The following SLC9C1 variants were observed in gnomAD, a reference collection of about 807,000 sequenced individuals.
The protein encoded by SLC9C1 is sodium/hydrogen exchanger 10.
A neutral mutation model predicts 140.9 loss-of-function variants in SLC9C1; 97 were observed. The observed-to-expected ratio is 0.69, with a 90% CI of 0.58 to 0.82. The LOEUF (loss-of-function observed/expected upper bound fraction) is 0.82. SLC9C1 is among the 40% of genes least tolerant of loss of function. The pLI is 0.00. For missense variants in SLC9C1, 1,340 were observed against 1,389.3 expected (o/e 0.96, Z 0.56); for synonymous variants, 440 against 442.6 (o/e 0.99, Z 0.07).
At chr3:112,144,651 G>T (rs1370561911) in intron 28 of SLC9C1, among the ~76,000 whole-genome samples, 1 of 152,066 alleles carries the variant, frequency 6.6e-6, no homozygotes, top group African/African-American at 2.4e-5. Context: ...TCTCCTTATA[G>T]AAATCTTTTA....
intron 11 of SLC9C1, among the ~76,000 whole-genome samples, chr3:112,242,330 A>G (rs1334846099): frequency 1.3e-5 from 2 of 152,212 alleles, no homozygotes; most frequent in African/African-American, 4.8e-5. Flanking sequence ...CATATACACA[A>G]TGGCATACCA....
At chr3:112,292,682 T>C (rs969519251) in intron 1 of SLC9C1, among the ~76,000 whole-genome samples, 6 of 152,182 alleles carry the variant, frequency 3.9e-5, no homozygotes, top group South Asian at 4.2e-4. Context: ...TAGCTGGGAC[T>C]ACAGGCGCCA....
At chr3:112,263,279 C>T (rs1419150182) in intron 9 of SLC9C1, among the ~76,000 whole-genome samples, 181 bp from the exon 10 acceptor site, 1 of 151,794 alleles carries the variant, frequency 6.6e-6, no homozygotes, top group African/African-American at 2.4e-5. Context: ...AGAGACATGC[C>T]AAGAGAATGG....
At chr3:112,217,677 T>G in intron 14 of SLC9C1, 116 bp from the exon 15 acceptor site, 1 of 878,060 alleles carries the variant, frequency 1.1e-6, no homozygotes, top group Non-Finnish European at 1.6e-6. Context: ...AGGAAGACTA[T>G]TTTGTGCCAT....
rs141566205 is a variant in SLC9C1 at position 112,144,416 on chromosome 3, G to A, written c.3525-3135C>T. Among the ~76,000 whole-genome samples the A allele has an allele frequency of 6.5e-4, 99 of 151,756 alleles. 1 individual carries two copies. Among genetic ancestry groups the A allele is most frequent in the African/African-American group, 2.4e-3 (98 of 41,376 alleles). ...CTGGTCCCAAACTCCTGACCTTGGCGTCCTAAAGTGCTGGAATTACAGGTG... is the reference window on the plus strand; with the variant it reads ...CTGGTCCCAAACTCCTGACCTTGGCATCCTAAAGTGCTGGAATTACAGGTG... On this transcript the variant is annotated intron_variant, in intron 28 of 28. Coordinates refer to ENST00000305815, the MANE Select transcript of SLC9C1 (RefSeq NM_183061.3).
chr3:112,204,710 C>T (rs758397229), intron 16 of SLC9C1, among the ~76,000 whole-genome samples: 10 of 152,060 alleles, frequency 6.6e-5, no homozygotes, highest in East Asian at 3.9e-4. Context: ...AAATGTAGTA[C>T]GCCAGGGTGT....
intron 10 of SLC9C1, among the ~76,000 whole-genome samples, chr3:112,246,309 C>CCT (rs1183746667): frequency 1.3e-5 from 2 of 152,062 alleles, no homozygotes; most frequent in African/African-American, 4.8e-5. Context: ...GCAACTGGCA[C>CCT]CTTCACCTGC....
intron 11 of SLC9C1, among the ~76,000 whole-genome samples, chr3:112,240,993 TGGG>T (rs2079124498): frequency 7.6e-6 from 1 of 131,936 alleles, no homozygotes; most frequent in African/African-American, 2.8e-5. Flanking sequence ...GGTGGGGGGA[TGGG>T]GGCAGGTGGG....
rs957389506 is a variant in SLC9C1, at chr3:112,141,189, C to G, written c.*83G>C. 17 of 1,386,064 alleles carry G rather than the reference C, an allele frequency of 1.2e-5. No individual in the cohort carries two copies. Among genetic ancestry groups the G allele is most frequent in the Non-Finnish European group, 1.5e-5 (16 of 1,044,718 alleles). The allele number at this position is 1,386,064 out of a possible 1,614,324, so 85.9% of individuals were successfully genotyped here. A position where few individuals can be genotyped will look rare whatever the true frequency, so the allele number is the denominator to read the frequency against. ...AGGATCCAACCTGAAGTTACTCCTTCTTGATGTAGGGAAGTGTGTTTCTGC... is the reference window on the plus strand; with the variant it reads ...AGGATCCAACCTGAAGTTACTCCTTGTTGATGTAGGGAAGTGTGTTTCTGC... On this transcript the variant is annotated 3_prime_UTR_variant, in exon 29 of 29. Transcript: ENST00000305815.
chr3:112,185,739 C>T lies in SLC9C1; in HGVS notation c.2524-3481G>A, dbSNP rs933175216. 8.6e-5 allele frequency: 133 copies of T among 1,538,686 alleles called. No homozygotes were observed. The African/African-American group carries it at 1.5e-3, about 18-fold the overall frequency. On this transcript the variant is annotated intron_variant, in intron 20 of 28. Transcript: ENST00000305815. ...GGACACGGCGGCCTTGCTGAGCCCC[C>T]GGCCTGCCGGGCTGTCCTTCAGGGA...
chr3:112,143,288 CTGTTT>C (rs1559996215), intron 28 of SLC9C1, among the ~76,000 whole-genome samples: 1 of 152,028 alleles, frequency 6.6e-6, no homozygotes, highest in Non-Finnish European at 1.5e-5. Context: ...AATGGTAGTT[CTGTTT>C]TAAGTTCTTT....
intron 26 of SLC9C1, among the ~76,000 whole-genome samples, chr3:112,165,301 T>C (rs1333346131): frequency 6.6e-6 from 1 of 152,238 alleles, no homozygotes; most frequent in Non-Finnish European, 1.5e-5. Flanking sequence ...CCAGCTTTGT[T>C]CCATTGCTGG....
chr3:112,289,116 C>A (rs984740685), intron 1 of SLC9C1, among the ~76,000 whole-genome samples: 13 of 152,108 alleles, frequency 8.5e-5, no homozygotes, highest in African/African-American at 3.1e-4. Flanking sequence ...GTCTCAAAGC[C>A]AGCTTCTTTT....
chr3:112,275,169 G>T (rs1282250084), intron 5 of SLC9C1, 144 bp from the exon 6 acceptor site: 23 of 813,268 alleles, frequency 2.8e-5, no homozygotes, highest in African/African-American at 5.4e-5. Flanking sequence ...AATCATAATT[G>T]GCACTAAATT....
chr3:112,173,547 C>G (rs757654700), intron 23 of SLC9C1, among the ~76,000 whole-genome samples: 2 of 152,124 alleles, frequency 1.3e-5, no homozygotes, highest in African/African-American at 2.4e-5. Context: ...CTTTTCTGTT[C>G]CTGTGTTAGT....
chr3:112,285,429 C>T (rs539332453), intron 2 of SLC9C1, among the ~76,000 whole-genome samples: 66 of 152,208 alleles, frequency 4.3e-4, no homozygotes, highest in Admixed American at 6.5e-4. Context: ...TTAGTAGAGA[C>T]GGGACTTTGC....
intron 6 of SLC9C1, among the ~76,000 whole-genome samples, chr3:112,271,965 T>A (rs2080090479): frequency 6.6e-6 from 1 of 152,178 alleles, no homozygotes; most frequent in African/African-American, 2.4e-5. Context: ...CACCAAAAGA[T>A]ATTTGCTTCT....
chr3:112,286,671 A>C (rs778509956), intron 2 of SLC9C1, 33 bp downstream of exon 2: 1 of 1,540,106 alleles, frequency 6.5e-7, no homozygotes, highest in Non-Finnish European at 8.8e-7. Flanking sequence ...GTACCGGAAG[A>C]ATAAACTCAG....
chr3:112,158,263 T>C (rs1477918124), intron 26 of SLC9C1, among the ~76,000 whole-genome samples: 1 of 152,076 alleles, frequency 6.6e-6, no homozygotes. Context: ...TTATTCTGCA[T>C]TTACTGAAAT....
Sources: gnomAD v4.1 joint callset for allele counts (sites outside exome capture counted in the v4.1 genomes callset) on GRCh38, gnomAD v4.1.1 for gene constraint, MANE v1.5 for transcripts, NCBI Gene and HGNC (gene_info 2026-07-23, HGNC 2026-07-21) for gene names.